Variants in DNAJC5 observed in about 807,000 individuals in gnomAD.
DNAJC5 encodes the protein dnaJ homolog subfamily C member 5.
In DNAJC5, 1 loss-of-function variant was observed where a neutral mutation model predicts 23.2. The ratio of observed to expected loss-of-function variants is 0.04; its 90% CI spans 0.02 to 0.20. The LOEUF (loss-of-function observed/expected upper bound fraction) is 0.20. Ranked by LOEUF, DNAJC5 falls within the 10% of genes least tolerant of loss-of-function variation. The probability of loss-of-function intolerance (pLI) is 1.00; values close to 1 mark genes in which losing one functional copy is unlikely to be tolerated. For missense variants in DNAJC5, 180 were observed against 267.0 expected (o/e 0.67, Z 2.27); for synonymous variants, 136 against 120.0 (o/e 1.13, Z -0.87).
chr20:63,905,798 C>A (rs985163841), intron 1 of DNAJC5, among the ~76,000 whole-genome samples: 1 of 141,842 alleles, frequency 7.1e-6, no homozygotes, highest in Non-Finnish European at 1.5e-5. Context: ...GCAATGGCAC[C>A]ATCTTGGCTC....
chr20:63,904,253 A>G (rs1394694099), intron 1 of DNAJC5, among the ~76,000 whole-genome samples: 1 of 152,168 alleles, frequency 6.6e-6, no homozygotes, highest in African/African-American at 2.4e-5. Flanking sequence ...TAATGTCATC[A>G]TACATGTTAA....
At chr20:63,901,226 A>G (rs1025054935) in intron 1 of DNAJC5, among the ~76,000 whole-genome samples, 1 of 152,174 alleles carries the variant, frequency 6.6e-6, no homozygotes, top group African/African-American at 2.4e-5. Flanking sequence ...TGGCCTCCCA[A>G]GGTGCTGGGT....
intron 1 of DNAJC5, among the ~76,000 whole-genome samples, chr20:63,908,023 C>G (rs2053458474): frequency 6.6e-6 from 1 of 152,208 alleles, no homozygotes; most frequent in South Asian, 2.1e-4. Flanking sequence ...ACCTTGGCCT[C>G]CCGAAGTGCT....
intron 1 of DNAJC5, among the ~76,000 whole-genome samples, chr20:63,911,149 A>T (rs149746669): frequency 6.6e-6 from 1 of 152,214 alleles, no homozygotes; most frequent in Non-Finnish European, 1.5e-5. Context: ...TGAATGCTCT[A>T]TTAGGACCTG....
chr20:63,919,882 C>A, intron 1 of DNAJC5: 1 of 227,714 alleles, frequency 4.4e-6, no homozygotes, highest in Non-Finnish European at 7.8e-6. Context: ...CACATGTGCC[C>A]AGGGCCCGGG....
rs567056743 is a variant in DNAJC5 at position 63,930,950 on chromosome 20, C to G, written c.421C>G (p.Pro141Ala). The G allele has an allele frequency of 5.0e-6, 8 of 1,614,168 alleles. No individual in the cohort carries two copies. In the East Asian group the frequency reaches 1.3e-4, roughly 27 times the overall value. The change falls in exon 4 of 5, where the codon CCT becomes GCT. Residue 141 changes from proline to alanine, a missense_variant. By Grantham distance (27) the Pro-to-Ala change is conservative. Coordinates refer to ENST00000360864, the MANE Select transcript of DNAJC5 (RefSeq NM_025219.3). ...CCCGKCKPKA[P>A]EGEETEFYVS... ...CTGCGGGAAGTGTAAGCCCAAGGCG[C>G]CTGAAGGCGAGGAGACGGAGTTCTA...
intron 1 of DNAJC5, among the ~76,000 whole-genome samples, chr20:63,921,202 G>C (rs1249711650): frequency 1.3e-5 from 2 of 151,982 alleles, no homozygotes; most frequent in Non-Finnish European, 2.9e-5. Context: ...CAGGTGATCC[G>C]CCCTCCTCAG....
intron 1 of DNAJC5, among the ~76,000 whole-genome samples, chr20:63,897,348 C>T (rs1443919702): frequency 2.6e-5 from 4 of 151,996 alleles, no homozygotes; most frequent in African/African-American, 4.8e-5. Context: ...GAGCCGAGAT[C>T]GCGCCACTGC....
chr20:63,912,513 T>C (rs2053488779), intron 1 of DNAJC5, among the ~76,000 whole-genome samples: 1 of 152,196 alleles, frequency 6.6e-6, no homozygotes, highest in Non-Finnish European at 1.5e-5. Flanking sequence ...CTTTTAACTG[T>C]GTTCCAAGTC....
chr20:63,931,583 G>T lies in DNAJC5; in HGVS notation c.*15G>T, dbSNP rs1446637882. On this transcript the variant is annotated 3_prime_UTR_variant, in exon 5 of 5. Transcript: ENST00000360864. This position sits in a 1 kb window ranked among gnomAD's most constrained non-coding sequence, Gnocchi z 9.6. ...GGTTCAACTAAATCCAGGAGGAGCTGTGGTCAGAGGAGGAGCCGGCGCCTG... is the reference window on the plus strand; with the variant it reads ...GGTTCAACTAAATCCAGGAGGAGCTTTGGTCAGAGGAGGAGCCGGCGCCTG... The T allele has an allele frequency of 2.6e-6, 4 of 1,548,008 alleles. No individual in the cohort carries two copies. The East Asian group carries it at 7.3e-5, about 28-fold the overall frequency.
Position 63,928,505 on chromosome 20 carries a change from G to GT in DNAJC5, c.107+54dup, listed in dbSNP as rs1322828535. 8 of 1,453,498 alleles carry GT rather than the reference G, an allele frequency of 5.5e-6. No homozygotes were observed. In the Admixed American group the frequency reaches 1.4e-4, roughly 25 times the overall value. The allele number at this position is 1,453,498 out of a possible 1,614,324, so 90.0% of individuals were successfully genotyped here. On this transcript the variant is annotated intron_variant, in intron 2 of 4. Transcript: ENST00000360864. The surrounding 1 kb of genome is among the most constrained non-coding windows in gnomAD (Gnocchi z 4.6). ...CCCCCCAGGAAGACACACATGCCCC[G>GT]TGTGGTTTAGTCTGCATTTTACCAA...
At chr20:63,919,392 G>C (rs1227385967) in intron 1 of DNAJC5, 1 of 494,500 alleles carries the variant, frequency 2.0e-6, no homozygotes, top group Non-Finnish European at 4.1e-6. Flanking sequence ...GCACCCGGCT[G>C]TGTGGACATG....
chr20:63,909,817 G>T (rs1262846840), intron 1 of DNAJC5, among the ~76,000 whole-genome samples: 8 of 152,256 alleles, frequency 5.3e-5, no homozygotes, highest in Admixed American at 5.2e-4. Context: ...AGGAGAGCCT[G>T]CGGGGGGCAG....
At chr20:63,900,155 C>A (rs888765498) in intron 1 of DNAJC5, among the ~76,000 whole-genome samples, 2 of 152,052 alleles carry the variant, frequency 1.3e-5, no homozygotes, top group African/African-American at 4.8e-5. Flanking sequence ...TCCCAAAGTG[C>A]TGGGATTATA....
chr20:63,921,492 G>A (rs1243661635), intron 1 of DNAJC5, among the ~76,000 whole-genome samples: 1 of 151,750 alleles, frequency 6.6e-6, no homozygotes, highest in Non-Finnish European at 1.5e-5. Context: ...TCAGGAGGCT[G>A]AGGCAGAAGA....
intron 1 of DNAJC5, chr20:63,919,468 C>T (rs765265938): frequency 4.0e-6 from 2 of 497,028 alleles, no homozygotes; most frequent in African/African-American, 2.1e-5. Flanking sequence ...GTGCCCAGGG[C>T]CCGGGACAGC....
At position 63,929,719 on chromosome 20, in the gene DNAJC5, ACTCCTGCCGTGCGGGCACCCGAGTCT is replaced by A. The variant is rs2053649309; in HGVS notation, c.321+203_321+228del. Among the ~76,000 whole-genome samples the A allele has an allele frequency of 2.6e-5, 3 of 115,514 alleles. No individual in the cohort carries two copies. The highest frequency in any genetic ancestry group is 6.5e-5 in the African/African-American group (2 of 30,802). 75.8% of individuals were successfully genotyped at this position (115,514 alleles called of 152,430 possible). A position where few individuals can be genotyped will look rare whatever the true frequency, so the allele number is the denominator to read the frequency against. On this transcript the variant is annotated intron_variant, in intron 3 of 4. Coordinates refer to ENST00000360864, the MANE Select transcript of DNAJC5 (RefSeq NM_025219.3). The surrounding 1 kb of genome is among the most constrained non-coding windows in gnomAD (Gnocchi z 8.6). ...CTCCTGCCGTGCGGGCGCCCGAGTC[ACTCCTGCCGTGCGGGCACCCGAGTCT>A]CTCCTGCCATGTGGGCACCCGGGTC...
intron 1 of DNAJC5, among the ~76,000 whole-genome samples, chr20:63,927,365 A>G (rs60676696): frequency 0.019 from 2,920 of 152,218 alleles, 106 homozygotes; most frequent in African/African-American, 0.066. Context: ...GAGAAACCCC[A>G]TCTCTACTAA....
intron 1 of DNAJC5, among the ~76,000 whole-genome samples, chr20:63,899,712 G>A (rs763667145): frequency 6.6e-6 from 1 of 152,024 alleles, no homozygotes; most frequent in Non-Finnish European, 1.5e-5. Context: ...CTCCCGAGTA[G>A]CTGGGACTAC....
Sources: gnomAD v4.1 joint callset for allele counts (sites outside exome capture counted in the v4.1 genomes callset) on GRCh38, gnomAD v4.1.1 for gene constraint, Gnocchi (gnomAD v3.1) non-coding constraint, MANE v1.5 for transcripts, NCBI Gene and HGNC (gene_info 2026-07-23, HGNC 2026-07-21) for gene names.